Variants in QKI observed in about 807,000 individuals in gnomAD.
QKI encodes QKI, KH domain containing RNA binding, also known as KH domain-containing RNA-binding protein QKI.
Under a neutral mutation model 39.0 loss-of-function variants are expected in QKI, and 10 were observed. That is an observed-to-expected ratio of 0.26 (90% CI 0.16 to 0.43). QKI has a LOEUF of 0.43. QKI is among the 20% of genes least tolerant of loss of function. QKI has a pLI of 1.00. For synonymous variants in QKI, 204 were observed against 155.4 expected (o/e 1.31, Z -2.33); for missense variants, 218 against 428.0 (o/e 0.51, Z 4.33).
rs112825267 is a variant in QKI, at chr6:163,570,668, G to GTT, written c.1010-18_1010-17dup. ...TCTTTTCTTTTCTTTTTTTTGTTTT[G>GTT]TTTTTTTTTGTTTCTAACCACCCAG... On this transcript the variant is annotated intron_variant, in intron 7 of 7. Transcript: ENST00000361752. 1,136 of 1,571,500 alleles carry GTT rather than the reference G, an allele frequency of 7.2e-4. 2 individuals carry two copies. In the East Asian group the frequency reaches 0.011, roughly 15 times the overall value.
intron 4 of QKI, among the ~76,000 whole-genome samples, chr6:163,549,479 G>C (rs147465297): frequency 1.3e-5 from 2 of 152,204 alleles, no homozygotes; most frequent in Admixed American, 1.3e-4. Flanking sequence ...GGGAGGCTGA[G>C]GCGGGCGGAT....
intron 3 of QKI, among the ~76,000 whole-genome samples, chr6:163,504,678 G>GT (rs1280516214): frequency 2.0e-5 from 3 of 152,158 alleles, no homozygotes; most frequent in African/African-American, 7.2e-5. Context: ...GAATGCAACT[G>GT]ATTTTTGTAC....
At position 163,573,077 on chromosome 6, in the gene QKI, G is replaced by A. The variant is rs200986603; in HGVS notation, c.*2367G>A. The A allele has an allele frequency of 3.3e-5, 5 of 152,160 alleles. No individual in the cohort carries two copies. In the East Asian group the frequency reaches 9.7e-4, roughly 29 times the overall value. 9.4% of individuals were successfully genotyped at this position (152,160 alleles called of 1,614,324 possible). A position where few individuals can be genotyped will look rare whatever the true frequency, so the allele number is the denominator to read the frequency against. ...CTGGACATTTTAGATGTTTATCAAA[G>A]GTCTTTTATGGGGAAGAAAGTAAAT... On this transcript the variant is annotated 3_prime_UTR_variant, in exon 8 of 8. Transcript: ENST00000361752.
chr6:163,461,222 T>C (rs1791326625), intron 2 of QKI, among the ~76,000 whole-genome samples: 1 of 152,204 alleles, frequency 6.6e-6, no homozygotes, highest in African/African-American at 2.4e-5. Context: ...AAATATTTCA[T>C]AGGCTTTTTA....
chr6:163,573,538 A>AT lies in QKI; in HGVS notation c.*2835dup, dbSNP rs1181710422. On this transcript the variant is annotated 3_prime_UTR_variant, in exon 8 of 8. Transcript: ENST00000361752. ...GTATGTTATATAACATTCAAAAAGA[A>AT]TTTTTTTCTTGATTGAGAAAAGGAT... 2 of 152,166 alleles carry AT rather than the reference A, an allele frequency of 1.3e-5. No individual in the cohort carries two copies. The highest frequency in any genetic ancestry group is 2.4e-5 in the African/African-American group (1 of 41,434). 9.4% of individuals were successfully genotyped at this position (152,166 alleles called of 1,614,324 possible).
chr6:163,560,572 T>C (rs923844986), intron 4 of QKI, among the ~76,000 whole-genome samples: 1 of 152,102 alleles, frequency 6.6e-6, no homozygotes, highest in African/African-American at 2.4e-5. Context: ...GAAGTGGGAA[T>C]ATGCACAGAG....
At chr6:163,488,973 C>CCT (rs1554266231) in intron 3 of QKI, among the ~76,000 whole-genome samples, 1 of 122,122 alleles carries the variant, frequency 8.2e-6, no homozygotes, top group Non-Finnish European at 1.7e-5. Flanking sequence ...CCTTCCATTT[C>CCT]TTTTTTTTTT....
chr6:163,512,219 C>G (rs759384839), intron 3 of QKI, among the ~76,000 whole-genome samples: 2 of 152,092 alleles, frequency 1.3e-5, no homozygotes, highest in Non-Finnish European at 2.9e-5. Context: ...TATGAAAAGA[C>G]ATAGTAATAT....
At chr6:163,429,403 T>C (rs1788661369) in intron 1 of QKI, among the ~76,000 whole-genome samples, 1 of 152,134 alleles carries the variant, frequency 6.6e-6, no homozygotes, top group Non-Finnish European at 1.5e-5. Flanking sequence ...TTAAAAAAAA[T>C]TATATCATGA....
intron 2 of QKI, among the ~76,000 whole-genome samples, chr6:163,461,464 G>T (rs1307749344): frequency 6.6e-6 from 1 of 152,156 alleles, no homozygotes; most frequent in East Asian, 1.9e-4. Context: ...GAAAGATGGG[G>T]TTGTTAGGGA....
At chr6:163,444,331 C>G (rs1340322200) in intron 1 of QKI, among the ~76,000 whole-genome samples, 1 of 152,178 alleles carries the variant, frequency 6.6e-6, no homozygotes, top group East Asian at 1.9e-4. Flanking sequence ...CCAGAAGGTT[C>G]AGTTTGAAGG....
chr6:163,441,134 T>A (rs1443303983), intron 1 of QKI, among the ~76,000 whole-genome samples: 1 of 152,170 alleles, frequency 6.6e-6, no homozygotes, highest in Non-Finnish European at 1.5e-5. Flanking sequence ...GTTTTTTTCT[T>A]AAAGCCAAGA....
chr6:163,427,243 CTTTTTTTTTTTT>C (rs11375326), intron 1 of QKI, among the ~76,000 whole-genome samples: 1 of 85,794 alleles, frequency 1.2e-5, no homozygotes, highest in African/African-American at 4.6e-5. Flanking sequence ...ATACTCGTAC[CTTTTTTTTTTTT>C]TTTTTTTTTT....
intron 2 of QKI, among the ~76,000 whole-genome samples, chr6:163,463,951 ATTTC>A (rs1791533830): frequency 6.6e-6 from 1 of 151,904 alleles, no homozygotes; most frequent in Admixed American, 6.6e-5. Context: ...TTCTTTTCTT[ATTTC>A]TTCCTTCCCA....
intron 4 of QKI, among the ~76,000 whole-genome samples, chr6:163,556,503 C>CAAAAAAAAAAAAA (rs61233361): frequency 3.6e-5 from 3 of 83,062 alleles, no homozygotes; most frequent in Non-Finnish European, 5.1e-5. Flanking sequence ...AATTCCACCT[C>CAAAAAAAAAAAAA]AAAAAAAAAA....
rs115279002 is a variant in QKI at position 163,480,141 on chromosome 6, G to T, written c.402+1245G>T. ...CTTACCCAGCAATACTGTGAGGCAG[G>T]ATAGTTTTGAATTTCTATTCTTGTA... On this transcript the variant is annotated intron_variant, in intron 3 of 7. Transcript: ENST00000361752. 5.1e-3 allele frequency among the ~76,000 whole-genome samples: 781 copies of T among 152,266 alleles called. 11 individuals are homozygous for T. Among genetic ancestry groups the T allele is most frequent in the African/African-American group, 0.018 (746 of 41,528 alleles).
chr6:163,457,459 C>T, intron 2 of QKI: 1 of 455,964 alleles, frequency 2.2e-6, no homozygotes, highest in Non-Finnish European at 4.4e-6. Flanking sequence ...CGGTGATTCT[C>T]AAAACACAGT....
chr6:163,455,203 TG>T (rs1562450353), intron 1 of QKI, 75 bp from the exon 2 acceptor site: 9 of 1,225,046 alleles, frequency 7.3e-6, no homozygotes, highest in Non-Finnish European at 9.0e-6. Flanking sequence ...AACCCTCCCC[TG>T]CCCTCTCTTT....
At chr6:163,570,630 A>T in intron 7 of QKI, 64 bp from the exon 8 acceptor site, 1 of 1,596,774 alleles carries the variant, frequency 6.3e-7, no homozygotes, top group Non-Finnish European at 8.5e-7. Context: ...AGCTGAAACT[A>T]ATCTCTTCTC....
Sources: allele counts gnomAD v4.1 joint callset (sites outside exome capture counted in the v4.1 genomes callset), GRCh38; gene constraint gnomAD v4.1.1; transcripts MANE v1.5; gene names NCBI Gene and HGNC (gene_info 2026-07-23, HGNC 2026-07-21).